PCDHA5: variants seen among roughly 807,000 people sequenced by gnomAD.
PCDHA5 encodes the protein protocadherin alpha 5, also known as protocadherin alpha-5.
Under a neutral mutation model 61.6 loss-of-function variants are expected in PCDHA5, and 43 were observed. The ratio of observed to expected loss-of-function variants is 0.70; its 90% CI spans 0.55 to 0.90. The LOEUF is 0.90. Ranked by LOEUF, PCDHA5 falls within the 40% of genes least tolerant of loss-of-function variation. PCDHA5 has a pLI of 0.00. For missense variants in PCDHA5, 1,298 were observed against 1,222.7 expected (o/e 1.06, Z -0.92); for synonymous variants, 627 against 543.9 (o/e 1.15, Z -2.13).
At chr5:140,849,200 C>A (rs2150432715) in intron 1 of PCDHA5, 44 of 1,040,882 alleles carry the variant, frequency 4.2e-5, no homozygotes, top group Non-Finnish European at 5.3e-5. Context: ...TACTGGACAA[C>A]AATGACAATG....
At chr5:140,956,281 G>A (rs551518322) in intron 1 of PCDHA5, among the ~76,000 whole-genome samples, 14 of 152,008 alleles carry the variant, frequency 9.2e-5, no homozygotes, top group Admixed American at 2.0e-4. Flanking sequence ...ATTGGCTGTG[G>A]GTTTATCATA....
chr5:140,882,133 G>A, intron 1 of PCDHA5: 1 of 1,483,612 alleles, frequency 6.7e-7, no homozygotes, highest in Non-Finnish European at 9.0e-7. Flanking sequence ...TCTTCCTGCA[G>A]AAAATATAGC....
chr5:140,824,195 C>T, intron 1 of PCDHA5, 68 bp downstream of exon 1: 1 of 1,600,340 alleles, frequency 6.2e-7, no homozygotes, highest in Non-Finnish European at 8.6e-7. Flanking sequence ...CACATTCACC[C>T]ACTTTTTTTG....
chr5:140,925,208 T>C (rs1201764361), intron 1 of PCDHA5, among the ~76,000 whole-genome samples: 2 of 152,190 alleles, frequency 1.3e-5, no homozygotes, highest in African/African-American at 4.8e-5. Context: ...TAATTATCGA[T>C]ACTTTTAGGC....
chr5:140,867,064 T>C (rs890190808), intron 1 of PCDHA5: 7 of 152,176 alleles, frequency 4.6e-5, no homozygotes, highest in Admixed American at 1.3e-4. Flanking sequence ...CTACTTTATA[T>C]ATTCACAAAA....
intron 1 of PCDHA5, chr5:140,855,963 A>C (rs1291137660): frequency 1.4e-6 from 2 of 1,404,396 alleles, no homozygotes; most frequent in Non-Finnish European, 1.9e-6. Context: ...TAAAAAATAG[A>C]TATAAGAAAT....
At chr5:140,863,858 G>A (rs2048210654) in intron 1 of PCDHA5, 1 of 177,150 alleles carries the variant, frequency 5.6e-6, no homozygotes, top group Non-Finnish European at 1.2e-5. Flanking sequence ...AAAATTAGCT[G>A]GGTGTGGTGG....
At chr5:140,993,466 A>T (rs1374096077) in intron 3 of PCDHA5, among the ~76,000 whole-genome samples, 2 of 45,548 alleles carry the variant, frequency 4.4e-5, no homozygotes, top group African/African-American at 1.2e-4. Flanking sequence ...TCTTTCTCAC[A>T]CACACACACA....
chr5:140,938,014 T>C (rs1554211943), intron 1 of PCDHA5, among the ~76,000 whole-genome samples: 6 of 152,220 alleles, frequency 3.9e-5, no homozygotes. Context: ...TCTTGCTAAA[T>C]AGTAAAATCT....
At chr5:140,989,851 G>C (rs1247481417) in intron 3 of PCDHA5, among the ~76,000 whole-genome samples, 1 of 152,106 alleles carries the variant, frequency 6.6e-6, no homozygotes, top group Non-Finnish European at 1.5e-5. Context: ...TGTGTGGACT[G>C]GAGAGGAATC....
intron 1 of PCDHA5, among the ~76,000 whole-genome samples, chr5:140,961,280 C>G (rs246003): frequency 0.56 from 85,679 of 152,048 alleles, 24,751 homozygotes; most frequent in African/African-American, 0.69. Flanking sequence ...TACCATGGCT[C>G]TGTTTCTTGA....
intron 1 of PCDHA5, chr5:140,824,610 G>GTTTTTTTGT (rs1768198907): frequency 1.1e-5 from 1 of 95,104 alleles, no homozygotes; most frequent in Non-Finnish European, 1.9e-5. Flanking sequence ...GCTAATTAAA[G>GTTTTTTTGT]TTTTTTTTTT....
chr5:140,871,492 C>G (rs782396000), intron 1 of PCDHA5: 1 of 1,589,508 alleles, frequency 6.3e-7, no homozygotes, highest in Admixed American at 1.8e-5. Context: ...TCACCCCGGA[C>G]AGGTGAGTTT....
At chr5:140,868,826 G>A in intron 1 of PCDHA5, 1 of 406,060 alleles carries the variant, frequency 2.5e-6, no homozygotes, top group Non-Finnish European at 4.3e-6. Flanking sequence ...TTTGGGGGAA[G>A]AAACCCAAAA....
At chr5:140,829,599 C>G in intron 1 of PCDHA5, 8 of 1,612,030 alleles carry the variant, frequency 5.0e-6, no homozygotes, top group Non-Finnish European at 6.8e-6. Flanking sequence ...GGCGAGCGCG[C>G]GTTGTCGAGC....
Position 140,843,585 on chromosome 5 carries a change from C to T in PCDHA5, c.2352+19458C>T, listed in dbSNP as rs2150363108. ...AGCTGGTCATACTCGCAACAACAGC[C>T]GCAGAGGGTGTGCTCTGGTGAGGGG... On this transcript the variant is annotated intron_variant, in intron 1 of 3. Coordinates refer to ENST00000529859, the MANE Select transcript of PCDHA5 (RefSeq NM_018908.3). 2.5e-6 allele frequency: 4 copies of T among 1,596,014 alleles called. No homozygotes were observed. The South Asian group carries it at 4.4e-5, about 18-fold the overall frequency.
At chr5:140,888,118 T>C (rs2061702019) in intron 1 of PCDHA5, among the ~76,000 whole-genome samples, 1 of 152,228 alleles carries the variant, frequency 6.6e-6, no homozygotes, top group Non-Finnish European at 1.5e-5. Context: ...TCTATCTTCT[T>C]CTATGGATAT....
chr5:140,932,712 A>G (rs1025750078), intron 1 of PCDHA5, among the ~76,000 whole-genome samples: 4 of 151,972 alleles, frequency 2.6e-5, no homozygotes, highest in African/African-American at 9.6e-5. Context: ...AGACAACACA[A>G]TAATATTGTA....
At chr5:140,884,378 A>G (rs781954919) in intron 1 of PCDHA5, 3 of 1,613,952 alleles carry the variant, frequency 1.9e-6, no homozygotes, top group Non-Finnish European at 2.5e-6. Flanking sequence ...GATCATTGCC[A>G]TCTGCGCGGT....
Sources: allele counts gnomAD v4.1 joint callset (sites outside exome capture counted in the v4.1 genomes callset), GRCh38; gene constraint gnomAD v4.1.1; transcripts MANE v1.5; gene names NCBI Gene and HGNC (gene_info 2026-07-23, HGNC 2026-07-21).